Variants in FAM120C observed in about 807,000 individuals in gnomAD.
FAM120C encodes the protein constitutive coactivator of PPAR-gamma-like protein 2.
A neutral mutation model predicts 71.2 loss-of-function variants in FAM120C; 14 were observed. The ratio of observed to expected loss-of-function variants is 0.20; its 90% CI spans 0.13 to 0.31. FAM120C has a LOEUF of 0.31. FAM120C is among the 10% of genes least tolerant of loss of function. The pLI is 1.00. For missense variants in FAM120C, 500 were observed against 879.0 expected (o/e 0.57, Z 5.45); for synonymous variants, 354 against 353.2 (o/e 1.00, Z -0.03).
intron 4 of FAM120C, among the ~76,000 whole-genome samples, chrX:54,140,952 A>AG (rs1225769806): frequency 1.8e-5 from 2 of 110,630 alleles, no homozygotes; most frequent in African/African-American, 3.3e-5. Flanking sequence ...AAAAAAAAAA[A>AG]AAAGAAAGAA....
At chrX:54,102,661 T>G (rs781932056) in intron 10 of FAM120C, among the ~76,000 whole-genome samples, 932 of 58,435 alleles carry the variant, frequency 0.016, 25 homozygotes, top group Admixed American at 0.069. Context: ...ACACTGTGGA[T>G]AAAGTTTCAA....
chrX:54,071,753 C>A lies in FAM120C; in HGVS notation c.*1280G>T, dbSNP rs1386405387. ...CAACCCAAGAGTTTATTGTTCTGAA[C>A]AGGCAATTTCTGGAAAGTACTTTTT... On this transcript the variant is annotated 3_prime_UTR_variant, in exon 16 of 16. Coordinates refer to ENST00000375180, the MANE Select transcript of FAM120C (RefSeq NM_017848.6). 1 of 111,248 alleles carries A rather than the reference C, an allele frequency of 9.0e-6. No homozygotes were observed. The highest frequency in any genetic ancestry group is 1.9e-5 in the Non-Finnish European group (1 of 53,044). 9.2% of individuals were successfully genotyped at this position (111,248 alleles called of 1,213,427 possible). A position where few individuals can be genotyped will look rare whatever the true frequency, so the allele number is the denominator to read the frequency against.
chrX:54,107,979 T>C (rs888751108), intron 10 of FAM120C, among the ~76,000 whole-genome samples: 1 of 100,273 alleles, frequency 1.0e-5, no homozygotes, highest in African/African-American at 3.7e-5. Context: ...CCATTTATGG[T>C]GAGGAAAGAG....
intron 1 of FAM120C, among the ~76,000 whole-genome samples, chrX:54,172,059 C>G (rs992680472): frequency 8.9e-6 from 1 of 112,517 alleles, no homozygotes; most frequent in East Asian, 2.8e-4. Context: ...TTATCTCTTG[C>G]CAAATGAGTT....
intron 1 of FAM120C, among the ~76,000 whole-genome samples, chrX:54,168,583 G>A (rs919564948): frequency 9.8e-5 from 11 of 112,476 alleles, no homozygotes; most frequent in African/African-American, 3.2e-4. Flanking sequence ...CAAGAAGGCT[G>A]AGGATTTTAA....
intron 15 of FAM120C, among the ~76,000 whole-genome samples, chrX:54,073,493 A>G (rs1204205432): frequency 9.2e-6 from 1 of 109,231 alleles, no homozygotes; most frequent in Admixed American, 9.8e-5. Context: ...TGTAGTCTGC[A>G]ATCTCGGCTC....
intron 15 of FAM120C, among the ~76,000 whole-genome samples, chrX:54,073,543 C>T (rs1557120307): frequency 9.1e-6 from 1 of 110,250 alleles, no homozygotes. Flanking sequence ...AATCCTCCCA[C>T]CTCAGCCTCC....
chrX:54,107,800 G>A (rs2066914908), intron 10 of FAM120C, among the ~76,000 whole-genome samples: 1 of 102,606 alleles, frequency 9.7e-6, no homozygotes, highest in South Asian at 4.8e-4. Flanking sequence ...GGGATTACAG[G>A]TGTGAGCCAT....
intron 15 of FAM120C, among the ~76,000 whole-genome samples, chrX:54,077,198 G>C (rs1423092004): frequency 9.0e-6 from 1 of 111,385 alleles, no homozygotes; most frequent in Non-Finnish European, 1.9e-5. Context: ...AATGGTTAAA[G>C]GCATGTACAC....
At chrX:54,112,755 G>A (rs1404454084) in intron 10 of FAM120C, among the ~76,000 whole-genome samples, 11 of 107,046 alleles carry the variant, frequency 1.0e-4, no homozygotes, top group Non-Finnish European at 2.1e-4. Context: ...GCAGGAGAAT[G>A]GTGTGAACCT....
intron 15 of FAM120C, 49 bp downstream of exon 15, chrX:54,080,183 G>A: frequency 9.4e-7 from 1 of 1,061,156 alleles, no homozygotes; most frequent in South Asian, 1.9e-5. Context: ...TAGCTGAAAA[G>A]GCAAAAGGCA....
chrX:54,105,432 A>T, intron 10 of FAM120C, among the ~76,000 whole-genome samples: 1 of 111,805 alleles, frequency 8.9e-6, no homozygotes, highest in Non-Finnish European at 1.9e-5. Flanking sequence ...GCTGTTTATG[A>T]CAAACCCACA....
Position 54,183,106 on chromosome X carries a change from C to G in FAM120C, c.93G>C (p.Ser31=). The change falls in exon 1 of 16, where the codon TCG becomes TCC. Residue 31 remains serine, a synonymous_variant. Transcript: ENST00000375180. The stretch of plus-strand genomic sequence containing the variant: ...GCAAGTGCTGCTGCTGCTGCTGGCG[C>G]GAGACCGTGCGCGCGAGTTTTAGGA... ...VDLLKLARTV[S]RQQQQQHLHR... is the part of the protein sequence containing the mutation. The G allele has an allele frequency of 2.6e-6, 3 of 1,156,096 alleles. No individual in the cohort carries two copies. The highest frequency in any genetic ancestry group is 3.4e-6 in the Non-Finnish European group (3 of 870,978).
intron 1 of FAM120C, among the ~76,000 whole-genome samples, chrX:54,165,722 A>G (rs1165838222): frequency 9.0e-6 from 1 of 110,631 alleles, no homozygotes; most frequent in Non-Finnish European, 1.9e-5. Context: ...GGTTGTAGTG[A>G]GCCAAGACCG....
At chrX:54,131,470 C>T (rs1208616266) in intron 9 of FAM120C, among the ~76,000 whole-genome samples, 2 of 106,592 alleles carry the variant, frequency 1.9e-5, no homozygotes, top group Non-Finnish European at 3.9e-5. Context: ...CGGAGTTTCG[C>T]TCTTGTTGCC....
intron 9 of FAM120C, among the ~76,000 whole-genome samples, chrX:54,129,817 A>G (rs2067054098): frequency 1.8e-5 from 2 of 111,888 alleles, no homozygotes; most frequent in Admixed American, 9.4e-5. Flanking sequence ...TAGGAGCTGG[A>G]GACCAGCCCG....
intron 10 of FAM120C, among the ~76,000 whole-genome samples, chrX:54,114,813 T>C (rs1471827991): frequency 9.0e-6 from 1 of 111,638 alleles, no homozygotes; most frequent in East Asian, 2.8e-4. Context: ...AGTGGCACAA[T>C]CTCAGATCAC....
chrX:54,167,905 T>G (rs1557135391), intron 1 of FAM120C, among the ~76,000 whole-genome samples: 2 of 105,216 alleles, frequency 1.9e-5, no homozygotes, highest in South Asian at 8.9e-4. Context: ...GAGGTGGAGG[T>G]TGCAGTGAGC....
Position 54,112,342 on chromosome X carries a change from G to A in FAM120C, c.2312+4203C>T, listed in dbSNP as rs180834051. On this transcript the variant is annotated intron_variant, in intron 10 of 15. Coordinates refer to ENST00000375180, the MANE Select transcript of FAM120C (RefSeq NM_017848.6). ...TGAGGCAGGAGAATCGCTTGAACCC[G>A]AAAGGCAGAGGTTGTCGTAAGCCGA... is the stretch of plus-strand genomic sequence containing the variant. Among the ~76,000 whole-genome samples, 738 of 110,781 alleles carry A rather than the reference G, an allele frequency of 6.7e-3. 10 individuals carry two copies. Among genetic ancestry groups the A allele is most frequent in the African/African-American group, 0.023 (713 of 30,506 alleles).
Sources: allele counts gnomAD v4.1 joint callset (sites outside exome capture counted in the v4.1 genomes callset), GRCh38; gene constraint gnomAD v4.1.1; transcripts MANE v1.5; gene names NCBI Gene and HGNC (gene_info 2026-07-23, HGNC 2026-07-21).